ARHGEF2: variants seen among roughly 807,000 people sequenced by gnomAD.
ARHGEF2 encodes Rho/Rac guanine nucleotide exchange factor 2.
In ARHGEF2, 22 loss-of-function variants were observed where a neutral mutation model predicts 121.0. That is an observed-to-expected ratio of 0.18 (90% confidence interval 0.13 to 0.26). The LOEUF (loss-of-function observed/expected upper bound fraction) is 0.26. Among genes scored for constraint, ARHGEF2 ranks in the 10% least tolerant of loss-of-function variants. ARHGEF2 has a pLI of 1.00. For synonymous variants in ARHGEF2, 487 were observed against 530.0 expected (o/e 0.92, Z 1.11); for missense variants, 907 against 1,336.0 (o/e 0.68, Z 5.01).
Position 155,947,617 on chromosome 1 carries a change from T to C in ARHGEF2, c.*325A>G. ...GACAAGGCCCTCTGATCCCTATGGCTTGGTTCCCATGTCCCTGGTCCTTTA... is the reference window on the plus strand; with the variant it reads ...GACAAGGCCCTCTGATCCCTATGGCCTGGTTCCCATGTCCCTGGTCCTTTA... On this transcript the variant is annotated 3_prime_UTR_variant, in exon 22 of 22. Transcript: ENST00000361247. The C allele has an allele frequency of 1.6e-5, 6 of 373,682 alleles. No individual in the cohort carries two copies. The highest frequency in any genetic ancestry group is 3.1e-5 in the Non-Finnish European group (6 of 196,332). 23.1% of individuals were successfully genotyped at this position (373,682 alleles called of 1,614,324 possible).
Position 155,962,680 on chromosome 1 carries a change from G to A in ARHGEF2, c.1014C>T (p.Tyr338=). ...TGCTGTGGCGGCTGCAGAACTCCGA[G>A]TAGGTCTTACACATCTGCTCCGCAC... ...GPSAEQMCKT[Y]SEFCSRHSKA... is the part of the protein sequence containing the mutation. Residue 338 remains tyrosine, a synonymous_variant, in exon 9 of 22, where the codon TAC becomes TAT. Transcript: ENST00000361247. The surrounding 1 kb of genome is among the most constrained non-coding windows in gnomAD (Gnocchi z 5.8). 3.7e-6 allele frequency: 6 copies of A among 1,614,116 alleles called. No individual in the cohort carries two copies. Among genetic ancestry groups the A allele is most frequent in the Non-Finnish European group, 5.1e-6 (6 of 1,180,008 alleles).
Position 155,965,235 on chromosome 1 carries a change from C to T in ARHGEF2, c.580+68G>A, listed in dbSNP as rs1057245832. On this transcript the variant is annotated intron_variant, in intron 6 of 21. Transcript: ENST00000361247. The surrounding 1 kb of genome is among the most constrained non-coding windows in gnomAD (Gnocchi z 6.0). Reference sequence around the variant, plus strand: ...CCTCCTTGTCCTTCCAGGCTACTCCCACCAGCCTCTCATCCCCCAGCCCCT... The same window carrying T: ...CCTCCTTGTCCTTCCAGGCTACTCCTACCAGCCTCTCATCCCCCAGCCCCT... The T allele has an allele frequency of 6.2e-7, 1 of 1,605,004 alleles. No homozygotes were observed. Among genetic ancestry groups the T allele is most frequent in the Non-Finnish European group, 8.5e-7 (1 of 1,172,236 alleles).
rs763089400 is a variant in ARHGEF2, at chr1:155,965,441, C to A, written c.471-29G>T. The A allele has an allele frequency of 2.2e-5, 35 of 1,607,010 alleles. No individual in the cohort carries two copies. The highest frequency in any genetic ancestry group is 5.5e-5 in the South Asian group (5 of 90,882). ...AAGAAAGTGGAGGCTGTCTGCATCA[C>A]CCCCAGTCGGGCAAAAGATCCCTTC... On this transcript the variant is annotated intron_variant, in intron 5 of 21. Coordinates refer to ENST00000361247, the MANE Select transcript of ARHGEF2 (RefSeq NM_001162383.2). The surrounding 1 kb of genome is among the most constrained non-coding windows in gnomAD (Gnocchi z 6.0).
At position 155,950,779 on chromosome 1, in the gene ARHGEF2, T is replaced by C; in HGVS notation, c.2703+50A>G. On this transcript the variant is annotated intron_variant, in intron 20 of 21. Coordinates refer to ENST00000361247, the MANE Select transcript of ARHGEF2 (RefSeq NM_001162383.2). The surrounding 1 kb of genome is among the most constrained non-coding windows in gnomAD (Gnocchi z 5.2). Reference sequence around the variant, plus strand: ...ATGGCCCAATTTCTTTCGGGCTCCATGGACCCTTATGTCCACCCCAGGTCC... The same window carrying C: ...ATGGCCCAATTTCTTTCGGGCTCCACGGACCCTTATGTCCACCCCAGGTCC... 1.3e-5 allele frequency: 19 copies of C among 1,501,706 alleles called. No homozygotes were observed. The highest frequency in any genetic ancestry group is 1.6e-5 in the Non-Finnish European group (18 of 1,121,080). 93.0% of individuals were successfully genotyped at this position (1,501,706 alleles called of 1,614,324 possible).
At chr1:155,954,118 T>G (rs1038860131) in intron 14 of ARHGEF2, among the ~76,000 whole-genome samples, 1 of 127,396 alleles carries the variant, frequency 7.8e-6, no homozygotes, top group African/African-American at 2.7e-5. Flanking sequence ...TGTACCATCA[T>G]GCCTAGCTAT....
At position 155,965,621 on chromosome 1, in the gene ARHGEF2, A is replaced by G; in HGVS notation, c.470+10T>C. 1.2e-6 allele frequency: 2 copies of G among 1,612,686 alleles called. No homozygotes were observed. Among genetic ancestry groups the G allele is most frequent in the South Asian group, 1.1e-5 (1 of 91,002 alleles). On this transcript the variant is annotated intron_variant, in intron 5 of 21. Coordinates refer to ENST00000361247, the MANE Select transcript of ARHGEF2 (RefSeq NM_001162383.2). The surrounding 1 kb of genome is among the most constrained non-coding windows in gnomAD (Gnocchi z 6.0). Reference sequence around the variant, plus strand: ...TCTCTGGCTGCCCCTTTCCCCAAACAGAGGCTCACCCAGCAATGTTGGTGG... The same window carrying G: ...TCTCTGGCTGCCCCTTTCCCCAAACGGAGGCTCACCCAGCAATGTTGGTGG...
intron 1 of ARHGEF2, among the ~76,000 whole-genome samples, chr1:155,975,725 C>T (rs1681186165): frequency 6.6e-6 from 1 of 152,222 alleles, no homozygotes; most frequent in Non-Finnish European, 1.5e-5. Flanking sequence ...CCCCACTCCA[C>T]CTGCCCACCA....
Position 155,969,306 on chromosome 1 carries a change from G to T in ARHGEF2, c.64-6C>A. ...ATCTTCTCCTTTTCCCGGGTCTGTGGAAGGGATGAGAGGGAGAGGAAGTGA... is the reference window on the plus strand; with the variant it reads ...ATCTTCTCCTTTTCCCGGGTCTGTGTAAGGGATGAGAGGGAGAGGAAGTGA... On this transcript the variant is annotated splice_region_variant and splice_polypyrimidine_tract_variant and intron_variant, in intron 1 of 21. Transcript: ENST00000361247. 6.2e-7 allele frequency: 1 copy of T among 1,613,960 alleles called. No homozygotes were observed. The highest frequency in any genetic ancestry group is 1.7e-4 in the Middle Eastern group (1 of 5,898).
chr1:155,950,440 G>A lies in ARHGEF2; in HGVS notation c.2746C>T (p.Arg916Cys), dbSNP rs902549846. 5 of 1,613,874 alleles carry A rather than the reference G, an allele frequency of 3.1e-6. No individual in the cohort carries two copies. Among genetic ancestry groups the A allele is most frequent in the East Asian group, 2.2e-5 (1 of 44,894 alleles). ...TCCTCAAAGTTTCGATGGACAGAGCGAGTAGTGACAGGTAGATCCAGGCGG... is the reference window on the plus strand; with the variant it reads ...TCCTCAAAGTTTCGATGGACAGAGCAAGTAGTGACAGGTAGATCCAGGCGG... ...TDRLDLPVTT[R>C]SVHRNFEDRE... The change falls in exon 21 of 22, where the codon CGC becomes TGC. Residue 916 changes from arginine to cysteine, a missense_variant. This residue lies in a region of ARHGEF2 where 432 missense variants were observed against 559.5 expected (regional missense o/e 0.77). Coordinates refer to ENST00000361247, the MANE Select transcript of ARHGEF2 (RefSeq NM_001162383.2). This position sits in a 1 kb window ranked among gnomAD's most constrained non-coding sequence, Gnocchi z 5.2.
In ARHGEF2 at chr1:155,952,798, A is replaced by T; in HGVS notation, c.1814T>A (p.Val605Glu). 6.2e-7 allele frequency: 1 copy of T among 1,614,136 alleles called. No homozygotes were observed. Among genetic ancestry groups the T allele is most frequent in the Non-Finnish European group, 8.5e-7 (1 of 1,180,024 alleles). ...CCCGACCTTCTCTCGCAGCAGCTCC[A>T]CCAGTGCCCGGTCCTTCTGCTGCAA... ...MELQQKDRALVELLREKVGLF... is the reference protein window; with the variant it reads ...MELQQKDRALEELLREKVGLF... The change falls in exon 15 of 22, where the codon GTG becomes GAG. Residue 605 changes from valine (V) to glutamate (E), a missense_variant. Val to Glu is a moderately radical substitution (Grantham distance 121). Transcript: ENST00000361247.
In ARHGEF2 at chr1:155,962,072, C is replaced by T. The variant is rs756869847; in HGVS notation, c.1219+33G>A. ...CTTTCCTCACCCCAGGTGGCCGTCT[C>T]CCAGTGGCCCTCTCCTGGGCCTGCC... On this transcript the variant is annotated intron_variant, in intron 10 of 21. Coordinates refer to ENST00000361247, the MANE Select transcript of ARHGEF2 (RefSeq NM_001162383.2). The surrounding 1 kb of genome is among the most constrained non-coding windows in gnomAD (Gnocchi z 5.8). 5.6e-6 allele frequency: 9 copies of T among 1,612,330 alleles called. No homozygotes were observed. The South Asian group carries it at 9.9e-5, about 18-fold the overall frequency.
chr1:155,955,841 A>C (rs1245399160), intron 13 of ARHGEF2, among the ~76,000 whole-genome samples: 2 of 150,940 alleles, frequency 1.3e-5, no homozygotes, highest in Non-Finnish European at 3.0e-5. Flanking sequence ...TCAGTCTCCC[A>C]AGCAGCTGGG....
chr1:155,950,154 TTCA>T lies in ARHGEF2; in HGVS notation c.2887+142_2887+144del. ...CTGCTTCCTAGACTTCCACCACCCA[TTCA>T]TCATCAGACAAAACAGGAAGTCCCT... On this transcript the variant is annotated intron_variant, in intron 21 of 21. Transcript: ENST00000361247. The surrounding 1 kb of genome is among the most constrained non-coding windows in gnomAD (Gnocchi z 5.2). The T allele has an allele frequency of 1.0e-6, 1 of 989,536 alleles. No homozygotes were observed. The highest frequency in any genetic ancestry group is 1.5e-6 in the Non-Finnish European group (1 of 670,168). The allele number at this position is 989,536 out of a possible 1,614,324, so 61.3% of individuals were successfully genotyped here.
chr1:155,969,882 T>G, intron 1 of ARHGEF2: 1 of 985,602 alleles, frequency 1.0e-6, no homozygotes, highest in Non-Finnish European at 1.2e-6. Flanking sequence ...AACCCAGGGG[T>G]CAGGATCCCA....
Position 155,954,852 on chromosome 1 carries a change from T to C in ARHGEF2, c.1783+50A>G, listed in dbSNP as rs115868780. Reference sequence around the variant, plus strand: ...TTTTAACAGTTGCATAATATTCCATTGTGTGAATGTATTATAAATTACTAA... The same window carrying C: ...TTTTAACAGTTGCATAATATTCCATCGTGTGAATGTATTATAAATTACTAA... On this transcript the variant is annotated intron_variant, in intron 14 of 21. Coordinates refer to ENST00000361247, the MANE Select transcript of ARHGEF2 (RefSeq NM_001162383.2). 3.3e-3 allele frequency: 5,081 copies of C among 1,516,898 alleles called. 133 individuals carry two copies. The African/African-American group carries it at 0.06, about 18-fold the overall frequency. The allele number at this position is 1,516,898 out of a possible 1,614,324, so 94.0% of individuals were successfully genotyped here.
At position 155,965,104 on chromosome 1, in the gene ARHGEF2, C is replaced by G; in HGVS notation, c.608G>C (p.Ser203Thr). The change falls in exon 7 of 22, where the codon AGT becomes ACT. Residue 203 changes from serine (S) to threonine (T), a missense_variant. Coordinates refer to ENST00000361247, the MANE Select transcript of ARHGEF2 (RefSeq NM_001162383.2). The surrounding 1 kb of genome is among the most constrained non-coding windows in gnomAD (Gnocchi z 6.0). Reference protein sequence around the residue: ...EAEVIYSELMSDFEMDEKDFA... With the variant: ...EAEVIYSELMTDFEMDEKDFA... ...GTCCTTCTCATCCATCTCAAAGTCA[C>G]TCATCAGCTCACTGTAGATTACCTC... 6.2e-7 allele frequency: 1 copy of G among 1,614,114 alleles called. No individual in the cohort carries two copies. The highest frequency in any genetic ancestry group is 8.5e-7 in the Non-Finnish European group (1 of 1,180,030).
Position 155,961,936 on chromosome 1 carries a change from C to T in ARHGEF2, c.1220-27G>A, listed in dbSNP as rs374050896. ...TGGCACCGGGGGTTGGCATGGGGAA[C>T]GGCTCAACCAGTTTCACTCACACCC... is the stretch of plus-strand genomic sequence containing the variant. On this transcript the variant is annotated intron_variant, in intron 10 of 21. Transcript: ENST00000361247. This position sits in a 1 kb window ranked among gnomAD's most constrained non-coding sequence, Gnocchi z 4.7. 3.5e-5 allele frequency: 56 copies of T among 1,612,426 alleles called. No individual in the cohort carries two copies. Among genetic ancestry groups the T allele is most frequent in the East Asian group, 4.5e-5 (2 of 44,860 alleles).
Position 155,978,238 on chromosome 1 carries a change from CGAT to C in ARHGEF2, c.63+124_63+126del. 3 of 1,343,320 alleles carry C rather than the reference CGAT, an allele frequency of 2.2e-6. No individual in the cohort carries two copies. The highest frequency in any genetic ancestry group is 2.9e-6 in the Non-Finnish European group (3 of 1,032,016). The allele number at this position is 1,343,320 out of a possible 1,614,324, so 83.2% of individuals were successfully genotyped here. A position where few individuals can be genotyped will look rare whatever the true frequency, so the allele number is the denominator to read the frequency against. ...CCACCCACCCCGTCCCGCCGCTCGC[CGAT>C]CCACCGCTCCGCCCGATTTTGGCGC... On this transcript the variant is annotated intron_variant, in intron 1 of 21. Coordinates refer to ENST00000361247, the MANE Select transcript of ARHGEF2 (RefSeq NM_001162383.2). The surrounding 1 kb of genome is among the most constrained non-coding windows in gnomAD (Gnocchi z 4.1).
intron 7 of ARHGEF2, among the ~76,000 whole-genome samples, chr1:155,964,185 TATATATATATATAC>T (rs1558031392): frequency 8.0e-6 from 1 of 124,956 alleles, no homozygotes; most frequent in Non-Finnish European, 1.6e-5. Flanking sequence ...TATATATATA[TATATATATATATAC>T]ATATATATAT....
Sources: allele counts gnomAD v4.1 joint callset (sites outside exome capture counted in the v4.1 genomes callset), GRCh38; gene constraint gnomAD v4.1.1; regional missense constraint gnomAD v4.1.1; non-coding constraint Gnocchi (gnomAD v3.1); transcripts MANE v1.5; gene names NCBI Gene and HGNC (gene_info 2026-07-23, HGNC 2026-07-21).